Variants in SLC15A1 observed in about 807,000 individuals in gnomAD.
SLC15A1 encodes the protein solute carrier family 15 member 1, also known as Caco-2 oligopeptide transporter.
In SLC15A1, 83 loss-of-function variants were observed where a neutral mutation model predicts 92.9. The observed-to-expected ratio is 0.89, with a 90% CI of 0.75 to 1.07. SLC15A1 has a LOEUF of 1.07. SLC15A1 is among the 50% of genes least tolerant of loss of function. SLC15A1 has a pLI of 0.00. For missense variants in SLC15A1, 857 were observed against 880.1 expected, an observed-to-expected ratio of 0.97 and a Z score of 0.33; for synonymous variants, 322 against 318.2, an observed-to-expected ratio of 1.01 and a Z score of -0.13.
chr13:98,719,982 T>G (rs1336936544), intron 7 of SLC15A1, among the ~76,000 whole-genome samples: 44 of 151,842 alleles, frequency 2.9e-4, no homozygotes, highest in Non-Finnish European at 1.3e-4. Context: ...TAAATAAAAA[T>G]TATTTTAAAA....
At chr13:98,703,492 C>G (rs964027910) in intron 17 of SLC15A1, among the ~76,000 whole-genome samples, 1 of 146,724 alleles carries the variant, frequency 6.8e-6, no homozygotes, top group African/African-American at 2.5e-5. Flanking sequence ...CACAACTCTA[C>G]AACTCTTTCA....
chr13:98,721,337 G>C (rs2088255757), intron 7 of SLC15A1, 158 bp downstream of exon 7: 1 of 716,332 alleles, frequency 1.4e-6, no homozygotes. Context: ...GAAACTCACA[G>C]GGAAGGAAGC....
At chr13:98,729,546 T>C (rs961197788) in intron 1 of SLC15A1, among the ~76,000 whole-genome samples, 9 of 152,100 alleles carry the variant, frequency 5.9e-5, no homozygotes, top group Admixed American at 2.0e-4. Context: ...CTTCCCTGGT[T>C]CCAAACGCCA....
chr13:98,729,113 G>T (rs994653205), intron 1 of SLC15A1, among the ~76,000 whole-genome samples: 2 of 149,916 alleles, frequency 1.3e-5, no homozygotes, highest in African/African-American at 4.9e-5. Flanking sequence ...CAAATACCCA[G>T]ATTTGATATT....
rs2088557148 is a variant in SLC15A1, at chr13:98,752,637, A to G, written c.-39T>C. The G allele has an allele frequency of 1.6e-6, 2 of 1,250,120 alleles. No individual in the cohort carries two copies. The highest frequency in any genetic ancestry group is 1.0e-6 in the Non-Finnish European group (1 of 996,760). 77.4% of individuals were successfully genotyped at this position (1,250,120 alleles called of 1,614,324 possible). A position where few individuals can be genotyped will look rare whatever the true frequency, so the allele number is the denominator to read the frequency against. On this transcript the variant is annotated 5_prime_UTR_variant, in exon 1 of 23. Coordinates refer to ENST00000376503, the MANE Select transcript of SLC15A1 (RefSeq NM_005073.4). ...AGGGCTCCTGCGACCTGCCGGCGGG[A>G]CGTGCTCCTGGCAGGTGCTACTCCT...
At chr13:98,725,982 A>G in intron 4 of SLC15A1, 141 bp downstream of exon 4, 3 of 1,046,478 alleles carry the variant, frequency 2.9e-6, no homozygotes, top group Non-Finnish European at 4.1e-6. Flanking sequence ...CTGGGATTAC[A>G]GGTATGAACC....
At chr13:98,740,260 G>A (rs1029255379) in intron 1 of SLC15A1, among the ~76,000 whole-genome samples, 4 of 152,186 alleles carry the variant, frequency 2.6e-5, no homozygotes, top group African/African-American at 7.2e-5. Context: ...GCAGGGAGGT[G>A]CTTGCTAGGC....
chr13:98,731,393 T>C (rs1188230420), intron 1 of SLC15A1, among the ~76,000 whole-genome samples: 2 of 152,228 alleles, frequency 1.3e-5, no homozygotes, highest in African/African-American at 2.4e-5. Flanking sequence ...GTCATTGCTG[T>C]AGTGCCGTGC....
chr13:98,750,238 T>C (rs761711814), intron 1 of SLC15A1, among the ~76,000 whole-genome samples: 1 of 151,884 alleles, frequency 6.6e-6, no homozygotes, highest in Non-Finnish European at 1.5e-5. Context: ...TCAGCCTCCC[T>C]AGTAGCTGGG....
At chr13:98,714,805 T>C (rs1017902551) in intron 9 of SLC15A1, among the ~76,000 whole-genome samples, 1 of 151,754 alleles carries the variant, frequency 6.6e-6, no homozygotes, top group African/African-American at 2.4e-5. Context: ...AAATGACACA[T>C]TTACCTCCAG....
At chr13:98,699,754 C>A (rs1593984265) in intron 18 of SLC15A1, among the ~76,000 whole-genome samples, 1 of 152,256 alleles carries the variant, frequency 6.6e-6, no homozygotes, top group East Asian at 1.9e-4. Context: ...GTTCCAGGTG[C>A]CCCATATCCT....
chr13:98,686,294 G>A lies in SLC15A1; in HGVS notation c.1831C>T (p.Pro611Ser), dbSNP rs1593976346. ...TGLEFSYSQAPSNMKSVLQAG... is the reference protein window; with the variant it reads ...TGLEFSYSQASSNMKSVLQAG... ...TGAAGCACCGACTTCATGTTGGAAG[G>A]AGCCTGAGGAAGCAAAGCAAAGTGA... Residue 611 changes from proline (P) to serine (S), a missense_variant, in exon 22 of 23, where the codon CCT becomes TCT. Pro to Ser is a moderately conservative substitution (Grantham distance 74). Transcript: ENST00000376503. 1 of 1,607,220 alleles carries A rather than the reference G, an allele frequency of 6.2e-7. No individual in the cohort carries two copies. The highest frequency in any genetic ancestry group is 8.5e-7 in the Non-Finnish European group (1 of 1,176,688).
At chr13:98,706,802 G>A (rs1344161644) in intron 15 of SLC15A1, among the ~76,000 whole-genome samples, 2 of 152,102 alleles carry the variant, frequency 1.3e-5, no homozygotes. Flanking sequence ...CATGAGAATG[G>A]ACTAATACGT....
intron 16 of SLC15A1, 119 bp downstream of exon 16, chr13:98,706,015 T>TAG (rs2088109778): frequency 2.0e-6 from 2 of 1,023,766 alleles, no homozygotes; most frequent in Non-Finnish European, 2.9e-6. Context: ...TCAAGATCCT[T>TAG]AGTTCACTTC....
chr13:98,724,278 A>AG (rs2088281954), intron 4 of SLC15A1, among the ~76,000 whole-genome samples: 1 of 152,162 alleles, frequency 6.6e-6, no homozygotes, highest in Non-Finnish European at 1.5e-5. Flanking sequence ...CCAAAGCAGG[A>AG]GGACTGCTTG....
intron 20 of SLC15A1, 64 bp downstream of exon 20, chr13:98,688,184 T>A (rs2087945900): frequency 1.9e-6 from 2 of 1,068,478 alleles, no homozygotes; most frequent in Non-Finnish European, 2.8e-6. Flanking sequence ...TCCTAAGTGT[T>A]TGTGAGTCTT....
chr13:98,719,243 C>G lies in SLC15A1; in HGVS notation c.634G>C (p.Ala212Pro), dbSNP rs1446778479. Reference protein sequence around the residue: ...FGVPAALMAVALIVFVLGSGM... With the variant: ...FGVPAALMAVPLIVFVLGSGM... ...TCAACCGATTTCCACTTACTCAGGG[C>G]TACAGCCATGAGAGCAGCAGGAACC... is the stretch of plus-strand genomic sequence containing the variant. The change falls in exon 8 of 23, where the codon GCC (alanine) becomes CCC (proline). Residue 212 changes from alanine (A) to proline (P), a missense_variant. Transcript: ENST00000376503. 1 of 1,612,800 alleles carries G rather than the reference C, an allele frequency of 6.2e-7. No homozygotes were observed. Among genetic ancestry groups the G allele is most frequent in the Admixed American group, 1.7e-5 (1 of 60,008 alleles).
At chr13:98,714,234 G>T (rs1433170946) in intron 9 of SLC15A1, among the ~76,000 whole-genome samples, 1 of 151,918 alleles carries the variant, frequency 6.6e-6, no homozygotes, top group East Asian at 1.9e-4. Flanking sequence ...TCCCCTCTTT[G>T]CTTGGAAAAA....
chr13:98,700,882 C>A (rs2088061720), intron 18 of SLC15A1, among the ~76,000 whole-genome samples: 1 of 152,152 alleles, frequency 6.6e-6, no homozygotes, highest in Non-Finnish European at 1.5e-5. Context: ...ATTATTCATT[C>A]ATGTATGGGT....
Sources: gnomAD v4.1 joint callset for allele counts (sites outside exome capture counted in the v4.1 genomes callset) on GRCh38, gnomAD v4.1.1 for gene constraint, MANE v1.5 for transcripts, NCBI Gene and HGNC (gene_info 2026-07-23, HGNC 2026-07-21) for gene names.